Variants in EIF3F observed in about 807,000 individuals in gnomAD.
EIF3F encodes eukaryotic translation initiation factor 3 subunit F.
EIF3F carries 8 observed loss-of-function variants against 36.0 expected under a neutral mutation model. The observed-to-expected ratio is 0.22, with a 90% confidence interval of 0.13 to 0.40. The LOEUF (loss-of-function observed/expected upper bound fraction) is 0.40, where lower values mean the gene tolerates loss of function less well. Among genes scored for constraint, EIF3F ranks in the 10% least tolerant of loss-of-function variants. The pLI is 1.00. For synonymous variants in EIF3F, 184 were observed against 188.5 expected (o/e 0.98, Z 0.19); for missense variants, 430 against 467.6 (o/e 0.92, Z 0.74).
Position 7,997,381 on chromosome 11 carries a change from G to C in EIF3F, c.*1359G>C, listed in dbSNP as rs1055861617. On this transcript the variant is annotated 3_prime_UTR_variant, in exon 8 of 8. Transcript: ENST00000651655. ...GATAAAATTCCGAGGTTAATTGCTA[G>C]AAGTATATATAATCTCTCAATGAAT... is the stretch of plus-strand genomic sequence containing the variant. 13 of 152,178 alleles carry C rather than the reference G, an allele frequency of 8.5e-5. No individual in the cohort carries two copies. Among genetic ancestry groups the C allele is most frequent in the African/African-American group, 3.1e-4 (13 of 41,440 alleles). 9.4% of individuals were successfully genotyped at this position (152,178 alleles called of 1,614,324 possible). A position where few individuals can be genotyped will look rare whatever the true frequency, so the allele number is the denominator to read the frequency against.
In EIF3F at chr11:7,992,141, C is replaced by T. The variant is rs61734577; in HGVS notation, c.493C>T (p.Pro165Ser). Residue 165 changes from proline to serine, a missense_variant, in exon 3 of 8, where the codon CCA becomes TCA. By Grantham distance (74) the Pro-to-Ser change is moderately conservative. Around this residue, in one of 2 missense-constraint regions of EIF3F, gnomAD observed 262 missense variants for 347.4 expected, o/e 0.75. Coordinates refer to ENST00000651655, the MANE Select transcript of EIF3F (RefSeq NM_003754.3). Reference sequence around the variant, plus strand: ...GTATGAACTGCATAAAAAAGTTTCTCCAAATGAGCTCATCCTGGGCTGGTA... The same window carrying T: ...GTATGAACTGCATAAAAAAGTTTCTTCAAATGAGCTCATCCTGGGCTGGTA... ...NMYELHKKVSPNELILGWYAT... is the reference protein window; with the variant it reads ...NMYELHKKVSSNELILGWYAT... 2 of 1,613,176 alleles carry T rather than the reference C, an allele frequency of 1.2e-6. No homozygotes were observed. The highest frequency in any genetic ancestry group is 2.2e-5 in the East Asian group (1 of 44,886).
Position 7,995,014 on chromosome 11 carries a change from A to C in EIF3F, c.778A>C (p.Asn260His), listed in dbSNP as rs1380003530. Residue 260 changes from asparagine (N) to histidine (H), a missense_variant, in exon 6 of 8, where the codon AAC (asparagine) becomes CAC (histidine). By Grantham distance (68) the Asn-to-His change is moderately conservative. Around this residue, in one of 2 missense-constraint regions of EIF3F, gnomAD observed 262 missense variants for 347.4 expected, o/e 0.75. Transcript: ENST00000651655. ...DLIMKTCFSP[N>H]RVIGLSSDLQ... ...GATCATGAAGACCTGCTTTAGCCCC[A>C]ACAGAGTGATTGGACTCTCAAGTGA... The C allele has an allele frequency of 6.2e-7, 1 of 1,613,742 alleles. No individual in the cohort carries two copies.
Position 7,997,573 on chromosome 11 carries a change from A to G in EIF3F, c.*1551A>G, listed in dbSNP as rs1220059693. On this transcript the variant is annotated 3_prime_UTR_variant, in exon 8 of 8. Coordinates refer to ENST00000651655, the MANE Select transcript of EIF3F (RefSeq NM_003754.3). The stretch of plus-strand genomic sequence containing the variant: ...TAGCCCAAGGAAAAATTGAATATTA[A>G]AACAAACCCCAATCATATGCTGTTT... 1 of 152,238 alleles carries G rather than the reference A, an allele frequency of 6.6e-6. No homozygotes were observed. The highest frequency in any genetic ancestry group is 2.4e-5 in the African/African-American group (1 of 41,464). The allele number at this position is 152,238 out of a possible 1,614,324, so 9.4% of individuals were successfully genotyped here. A position where few individuals can be genotyped will look rare whatever the true frequency, so the allele number is the denominator to read the frequency against.
At chr11:7,995,439 AAG>A in intron 7 of EIF3F, 72 bp downstream of exon 7, 2 of 1,276,942 alleles carry the variant, frequency 1.6e-6, no homozygotes, top group Non-Finnish European at 2.3e-6. Context: ...CAAATGTGAA[AAG>A]AGTTGGGTGA....
rs1280964784 is a variant in EIF3F, at chr11:7,998,124, ATAG to A, written c.*2107_*2109del. 1 of 152,192 alleles carries A rather than the reference ATAG, an allele frequency of 6.6e-6. No individual in the cohort carries two copies. 9.4% of individuals were successfully genotyped at this position (152,192 alleles called of 1,614,324 possible). ...TATGTATAGTCTGTTCTCATTATCT[ATAG>A]TAGTTATGTTTTATAAAGTCACCAT... On this transcript the variant is annotated 3_prime_UTR_variant, in exon 8 of 8. Transcript: ENST00000651655.
chr11:7,997,936 T>C lies in EIF3F; in HGVS notation c.*1914T>C, dbSNP rs1048368186. 5 of 152,244 alleles carry C rather than the reference T, an allele frequency of 3.3e-5. No individual in the cohort carries two copies. The highest frequency in any genetic ancestry group is 7.2e-5 in the African/African-American group (3 of 41,466). 9.4% of individuals were successfully genotyped at this position (152,244 alleles called of 1,614,324 possible). A position where few individuals can be genotyped will look rare whatever the true frequency, so the allele number is the denominator to read the frequency against. ...GGTGTTTATACTGTATTCGGTATTA[T>C]AAGTAATCTAGAGATGACTTAAAAG... On this transcript the variant is annotated 3_prime_UTR_variant, in exon 8 of 8. Coordinates refer to ENST00000651655, the MANE Select transcript of EIF3F (RefSeq NM_003754.3).
Position 7,995,005 on chromosome 11 carries a change from T to C in EIF3F, c.769T>C (p.Phe257Leu), listed in dbSNP as rs1056921704. 3 of 1,613,584 alleles carry C rather than the reference T, an allele frequency of 1.9e-6. No homozygotes were observed. Among genetic ancestry groups the C allele is most frequent in the Non-Finnish European group, 2.5e-6 (3 of 1,179,852 alleles). Residue 257 changes from phenylalanine to leucine, a missense_variant, in exon 6 of 8, where the codon TTT becomes CTT. Around this residue, in one of 2 missense-constraint regions of EIF3F, gnomAD observed 262 missense variants for 347.4 expected, o/e 0.75. Coordinates refer to ENST00000651655, the MANE Select transcript of EIF3F (RefSeq NM_003754.3). ...IGVDLIMKTCFSPNRVIGLSS... is the reference protein window; with the variant it reads ...IGVDLIMKTCLSPNRVIGLSS... ...AGTTGACCTGATCATGAAGACCTGC[T>C]TTAGCCCCAACAGAGTGATTGGACT...
chr11:7,999,532 AT>A lies in EIF3F; in HGVS notation c.*3511del, dbSNP rs1436688191. On this transcript the variant is annotated 3_prime_UTR_variant, in exon 8 of 8. Coordinates refer to ENST00000651655, the MANE Select transcript of EIF3F (RefSeq NM_003754.3). ...TCTAAATGTATATGGAAAAATAAAA[AT>A]GTCTCCAAAAAATCCCTGCAGAGGG... is the stretch of plus-strand genomic sequence containing the variant. 1 of 152,252 alleles carries A rather than the reference AT, an allele frequency of 6.6e-6. No homozygotes were observed. The highest frequency in any genetic ancestry group is 2.4e-5 in the African/African-American group (1 of 41,472). The allele number at this position is 152,252 out of a possible 1,614,324, so 9.4% of individuals were successfully genotyped here.
chr11:8,000,227 T>C lies in EIF3F; in HGVS notation c.*4205T>C, dbSNP rs1351287150. 3 of 150,722 alleles carry C rather than the reference T, an allele frequency of 2.0e-5. No homozygotes were observed. The highest frequency in any genetic ancestry group is 7.3e-5 in the African/African-American group (3 of 41,012). The allele number at this position is 150,722 out of a possible 1,614,324, so 9.3% of individuals were successfully genotyped here. On this transcript the variant is annotated 3_prime_UTR_variant, in exon 8 of 8. Coordinates refer to ENST00000651655, the MANE Select transcript of EIF3F (RefSeq NM_003754.3). ...TCATCTCAAAAAAAAAAAAGGTACA[T>C]CTACACAATGGAATATTATTAACCT...
intron 4 of EIF3F, 99 bp downstream of exon 4, chr11:7,993,123 G>T: frequency 7.4e-7 from 1 of 1,360,230 alleles, no homozygotes; most frequent in Non-Finnish European, 9.9e-7. Flanking sequence ...GTAACTTGCT[G>T]TGTCCTTAGG....
At chr11:7,991,708 C>G in intron 1 of EIF3F, 73 bp from the exon 2 acceptor site, 1 of 1,418,812 alleles carries the variant, frequency 7.0e-7, no homozygotes, top group East Asian at 2.3e-5. Context: ...TCATCAAAAG[C>G]ATTTCAAAAG....
chr11:7,992,929 C>T lies in EIF3F; in HGVS notation c.558C>T (p.Ile186=). 12 of 1,614,122 alleles carry T rather than the reference C, an allele frequency of 7.4e-6. No homozygotes were observed. Among genetic ancestry groups the T allele is most frequent in the Non-Finnish European group, 1.0e-5 (12 of 1,180,016 alleles). Residue 186 remains isoleucine, a synonymous_variant, in exon 4 of 8, where the codon ATC becomes ATT. Coordinates refer to ENST00000651655, the MANE Select transcript of EIF3F (RefSeq NM_003754.3). ...GHDITEHSVL[I]HEYYSREAPN... is the part of the protein sequence containing the mutation. ...ACATCACAGAGCACTCTGTGCTGAT[C>T]CACGAGTACTACAGCCGAGAGGCCC...
chr11:7,995,869 T>A, intron 7 of EIF3F, 76 bp from the exon 8 acceptor site: 3 of 1,195,378 alleles, frequency 2.5e-6, no homozygotes, highest in Non-Finnish European at 3.8e-6. Flanking sequence ...GTGTCTACCA[T>A]AGAGCTGGCC....
At position 7,997,015 on chromosome 11, in the gene EIF3F, A is replaced by AGATACATGTGTGG. The variant is rs1942168020; in HGVS notation, c.*993_*994insGATACATGTGTGG. On this transcript the variant is annotated 3_prime_UTR_variant, in exon 8 of 8. Transcript: ENST00000651655. ...TGGAGAATATCACCTGGTATGTAGT[A>AGATACATGTGTGG]AGCACAGATAAGTGGTAGATACTAT... The AGATACATGTGTGG allele has an allele frequency of 6.6e-6, 1 of 152,224 alleles. No homozygotes were observed. The highest frequency in any genetic ancestry group is 1.5e-5 in the Non-Finnish European group (1 of 68,036). The allele number at this position is 152,224 out of a possible 1,614,324, so 9.4% of individuals were successfully genotyped here. A position where few individuals can be genotyped will look rare whatever the true frequency, so the allele number is the denominator to read the frequency against.
Position 7,987,617 on chromosome 11 carries a change from G to T in EIF3F, c.265G>T (p.Gly89Cys), listed in dbSNP as rs1942042212. ...GPALPGPFPG[G>C]RVVRLHPVIL... is the part of the protein sequence containing the mutation. Reference sequence around the variant, plus strand: ...TGCTCTTCCAGGGCCCTTCCCCGGCGGCCGCGTGGTCAGGCTGCACCCAGT... The same window carrying T: ...TGCTCTTCCAGGGCCCTTCCCCGGCTGCCGCGTGGTCAGGCTGCACCCAGT... Residue 89 changes from glycine to cysteine, a missense_variant, in exon 1 of 8, where the codon GGC becomes TGC. By Grantham distance (159) the Gly-to-Cys change is radical (BLOSUM62 -3). Coordinates refer to ENST00000651655, the MANE Select transcript of EIF3F (RefSeq NM_003754.3). The T allele has an allele frequency of 6.3e-7, 1 of 1,583,330 alleles. No homozygotes were observed. The highest frequency in any genetic ancestry group is 1.4e-5 in the African/African-American group (1 of 73,626).
At chr11:7,989,074 A>G (rs1409460068) in intron 1 of EIF3F, among the ~76,000 whole-genome samples, 1 of 152,002 alleles carries the variant, frequency 6.6e-6, no homozygotes, top group Non-Finnish European at 1.5e-5. Flanking sequence ...TTTAAGCTCT[A>G]CCTACCTTCC....
intron 4 of EIF3F, 67 bp downstream of exon 4, chr11:7,993,091 G>A: frequency 6.7e-7 from 1 of 1,497,820 alleles, no homozygotes; most frequent in Non-Finnish European, 8.9e-7. Context: ...CCCACCCCAA[G>A]CAAGGTTAAT....
chr11:7,995,226 C>T (rs561148995), intron 6 of EIF3F, 28 bp from the exon 7 acceptor site: 1 of 1,609,372 alleles, frequency 6.2e-7, no homozygotes, highest in South Asian at 1.1e-5. Context: ...AATTAACTGC[C>T]TCATCGAGTC....
rs1176654807 is a variant in EIF3F, at chr11:7,995,126, G to A, written c.882+8G>A. 4.3e-6 allele frequency: 7 copies of A among 1,612,332 alleles called. No individual in the cohort carries two copies. The highest frequency in any genetic ancestry group is 1.6e-4 in the Middle Eastern group (1 of 6,064). Reference sequence around the variant, plus strand: ...TATGCAGAGGATGTACTGGTGAGAGGGGAAAGAAAAAACAAAGGGGGAGGA... The same window carrying A: ...TATGCAGAGGATGTACTGGTGAGAGAGGAAAGAAAAAACAAAGGGGGAGGA... On this transcript the variant is annotated splice_region_variant and intron_variant, in intron 6 of 7. Coordinates refer to ENST00000651655, the MANE Select transcript of EIF3F (RefSeq NM_003754.3).
Sources: gnomAD v4.1 joint callset for allele counts (sites outside exome capture counted in the v4.1 genomes callset) on GRCh38, gnomAD v4.1.1 for gene constraint, gnomAD v4.1.1 regional missense constraint, MANE v1.5 for transcripts, NCBI Gene and HGNC (gene_info 2026-07-23, HGNC 2026-07-21) for gene names.